TENM1: variants seen among roughly 807,000 people sequenced by gnomAD.
TENM1 encodes the protein teneurin-1.
In TENM1, 35 loss-of-function variants were observed where a neutral mutation model predicts 174.8. That is an observed-to-expected ratio of 0.20 (90% CI 0.15 to 0.27). The LOEUF (loss-of-function observed/expected upper bound fraction) is 0.27, where lower values mean the gene tolerates loss of function less well. TENM1 is among the 10% of genes least tolerant of loss of function. TENM1 has a pLI of 1.00. For synonymous variants in TENM1, 781 were observed against 798.7 expected, an observed-to-expected ratio of 0.98 and a Z score of 0.37; for missense variants, 1,633 against 2,130.1, an observed-to-expected ratio of 0.77 and a Z score of 4.59.
At chrX:124,407,607 C>T (rs1191224153) in intron 25 of TENM1, among the ~76,000 whole-genome samples, 1 of 112,106 alleles carries the variant, frequency 8.9e-6, no homozygotes, top group Non-Finnish European at 1.9e-5. Flanking sequence ...TGGGTAGTTG[C>T]TCAAATTTTA....
chrX:124,956,822 G>C (rs890971360), intron 1 of TENM1, among the ~76,000 whole-genome samples: 2 of 112,318 alleles, frequency 1.8e-5, no homozygotes, highest in Admixed American at 1.9e-4. Context: ...CCTGCCATCT[G>C]TGATCTTTGC....
At chrX:124,758,885 G>C (rs1255990638) in intron 3 of TENM1, among the ~76,000 whole-genome samples, 1 of 111,466 alleles carries the variant, frequency 9.0e-6, no homozygotes, top group Non-Finnish European at 1.9e-5. Flanking sequence ...AGAGGAGGGG[G>C]AAGAGGGAAG....
At chrX:124,919,022 C>A (rs2057976720) in intron 1 of TENM1, among the ~76,000 whole-genome samples, 1 of 111,969 alleles carries the variant, frequency 8.9e-6, no homozygotes, top group Non-Finnish European at 1.9e-5. Context: ...AGCCATACTT[C>A]CCCATATCTA....
chrX:125,076,226 G>A, the TENM1 span, among the ~76,000 whole-genome samples: 1 of 111,379 alleles, frequency 9.0e-6, no homozygotes, highest in Non-Finnish European at 1.9e-5. Flanking sequence ...CCTTTACTTG[G>A]AATCATGCCA....
intron 22 of TENM1, among the ~76,000 whole-genome samples, chrX:124,467,871 G>A (rs1043423199): frequency 2.7e-5 from 3 of 109,831 alleles, no homozygotes; most frequent in African/African-American, 6.7e-5. Context: ...TGATTCTTCC[G>A]CCTCAGCCTC....
the TENM1 span, among the ~76,000 whole-genome samples, chrX:125,120,207 A>AT: frequency 2.9e-4 from 29 of 98,858 alleles, no homozygotes; most frequent in African/African-American, 6.2e-4. Flanking sequence ...AACATTTCCT[A>AT]TTTTTTTTAC....
intron 5 of TENM1, among the ~76,000 whole-genome samples, chrX:124,702,226 A>C (rs1009980630): frequency 1.8e-5 from 2 of 111,934 alleles, no homozygotes; most frequent in African/African-American, 6.5e-5. Flanking sequence ...TACAGCTCTT[A>C]TGTGCTATCT....
At chrX:125,101,021 A>G in the TENM1 span, among the ~76,000 whole-genome samples, 8 of 111,513 alleles carry the variant, frequency 7.2e-5, no homozygotes, top group Non-Finnish European at 1.3e-4. Flanking sequence ...GTCCTTAAAT[A>G]TAGCAGATTC....
exon 32 of TENM1, chrX:124,378,293 A>G (rs2060123161): frequency 8.9e-6 from 1 of 112,667 alleles, no homozygotes; most frequent in African/African-American, 3.2e-5. Context: ...TGCTTAAAAT[A>G]TAAGCAAAAT....
chrX:124,398,072 C>T (rs891328676), intron 27 of TENM1, among the ~76,000 whole-genome samples: 2 of 108,467 alleles, frequency 1.8e-5, no homozygotes, highest in African/African-American at 6.7e-5. Flanking sequence ...ATTAAAAATA[C>T]AAAAAATTAG....
the TENM1 span, among the ~76,000 whole-genome samples, chrX:124,978,821 G>A: frequency 8.9e-6 from 1 of 111,897 alleles, no homozygotes; most frequent in Admixed American, 9.5e-5. Context: ...ATTATCCACA[G>A]GGCTTTTCAT....
In TENM1 at chrX:124,911,006, C is replaced by T. The variant is rs1051352177; in HGVS notation, c.218-14765G>A. 2.7e-5 allele frequency among the ~76,000 whole-genome samples: 3 copies of T among 109,785 alleles called. No individual in the cohort carries two copies. The South Asian group carries it at 1.2e-3, about 44-fold the overall frequency. ...TCACAGCTCACTGCAGCTTTGACCT[C>T]GTGGGCTTAAGCCATCCTTCTGCCT... On this transcript the variant is annotated intron_variant, in intron 1 of 31. Coordinates refer to ENST00000422452, the Ensembl canonical transcript of TENM1.
chrX:125,165,659 T>C, the TENM1 span, among the ~76,000 whole-genome samples: 1 of 111,729 alleles, frequency 9.0e-6, no homozygotes, highest in Non-Finnish European at 1.9e-5. Context: ...AGGAAGAACA[T>C]TATGCTAACT....
At chrX:125,071,549 A>T in the TENM1 span, among the ~76,000 whole-genome samples, 1 of 112,165 alleles carries the variant, frequency 8.9e-6, no homozygotes, top group African/African-American at 3.2e-5. Flanking sequence ...CGTTTCAACC[A>T]CAAAGACTGA....
At chrX:124,996,521 A>G in the TENM1 span, among the ~76,000 whole-genome samples, 5 of 101,886 alleles carry the variant, frequency 4.9e-5, no homozygotes, top group African/African-American at 1.8e-4. Flanking sequence ...CATTACAGCT[A>G]AAAGACATAT....
intron 27 of TENM1, among the ~76,000 whole-genome samples, chrX:124,403,782 T>C (rs1315292603): frequency 9.0e-6 from 1 of 111,541 alleles, no homozygotes; most frequent in Non-Finnish European, 1.9e-5. Context: ...TTCAATTACC[T>C]ACTCCACCCT....
chrX:124,674,149 T>G (rs1316036364), intron 5 of TENM1, among the ~76,000 whole-genome samples: 6 of 109,063 alleles, frequency 5.5e-5, no homozygotes, highest in African/African-American at 2.0e-4. Flanking sequence ...AAGTCATATA[T>G]GCACAGAGGC....
At chrX:125,024,138 A>G in the TENM1 span, among the ~76,000 whole-genome samples, 1 of 111,800 alleles carries the variant, frequency 8.9e-6, no homozygotes, top group Admixed American at 9.5e-5. Flanking sequence ...TGGGAATATA[A>G]ATTAGTACTG....
the TENM1 span, among the ~76,000 whole-genome samples, chrX:125,076,058 T>C: frequency 3.6e-5 from 4 of 112,052 alleles, no homozygotes; most frequent in Non-Finnish European, 7.5e-5. Context: ...AAGATTTCTA[T>C]ATGTTTTATA....
Sources: allele counts gnomAD v4.1 joint callset (sites outside exome capture counted in the v4.1 genomes callset), GRCh38; gene constraint gnomAD v4.1.1; transcripts MANE v1.5; gene names NCBI Gene and HGNC (gene_info 2026-07-23, HGNC 2026-07-21).